Variants in DPF3 observed in about 807,000 individuals in gnomAD.
DPF3 encodes the protein double PHD fingers 3, also known as zinc finger protein DPF3.
Under a neutral mutation model 56.8 loss-of-function variants are expected in DPF3, and 18 were observed. The observed-to-expected ratio is 0.32, with a 90% CI of 0.22 to 0.47. The LOEUF (loss-of-function observed/expected upper bound fraction) is 0.47, where lower values mean the gene tolerates loss of function less well. Ranked by LOEUF, DPF3 falls within the 20% of genes least tolerant of loss-of-function variation. The pLI is 1.00. For missense variants in DPF3, 403 were observed against 488.8 expected (o/e 0.82, Z 1.65); for synonymous variants, 188 against 180.2 (o/e 1.04, Z -0.35).
chr14:72,880,266 C>T (rs1599521315), intron 1 of DPF3, among the ~76,000 whole-genome samples: 1 of 152,218 alleles, frequency 6.6e-6, no homozygotes, highest in African/African-American at 2.4e-5. Context: ...TCTCAGCCTC[C>T]TGTTCCTGGA....
rs1392327107 is a variant in DPF3, at chr14:72,614,408, A to G, written c.*4889T>C. 6.6e-6 allele frequency among the ~76,000 whole-genome samples: 1 copy of G among 152,212 alleles called. No homozygotes were observed. The highest frequency in any genetic ancestry group is 1.5e-5 in the Non-Finnish European group (1 of 68,024). On this transcript the variant is annotated 3_prime_UTR_variant, in exon 11 of 11. Transcript: ENST00000556509. ...TCAAAACGGGCAACACACAGCAGGAAGAGGAGGAGCTCTGTCCACTTTGCA... is the reference window on the plus strand; with the variant it reads ...TCAAAACGGGCAACACACAGCAGGAGGAGGAGGAGCTCTGTCCACTTTGCA...
In DPF3 at chr14:72,797,096, G is replaced by A. The variant is rs149522717; in HGVS notation, c.33-25203C>T. ...ATACAGTGGAAGTTAGATTACACCA[G>A]TTCCAAGCTCAGGCCTCAAGAGGCC... On this transcript the variant is annotated intron_variant, in intron 1 of 10. Transcript: ENST00000556509. Among the ~76,000 whole-genome samples the A allele has an allele frequency of 1.7e-4, 26 of 152,350 alleles. No individual in the cohort carries two copies. The East Asian group carries it at 5.0e-3, about 29-fold the overall frequency.
At chr14:72,729,485 T>G (rs961152879) in intron 4 of DPF3, among the ~76,000 whole-genome samples, 1 of 152,086 alleles carries the variant, frequency 6.6e-6, no homozygotes. Flanking sequence ...CACTCTCAGA[T>G]AGCAGGGGCG....
chr14:72,836,420 A>G (rs1884297291), intron 1 of DPF3: 2 of 985,536 alleles, frequency 2.0e-6, no homozygotes, highest in African/African-American at 3.5e-5. Flanking sequence ...GCCACTGGAT[A>G]AGCGCACCCT....
At chr14:72,856,645 C>G (rs1373119587) in intron 1 of DPF3, among the ~76,000 whole-genome samples, 1 of 152,238 alleles carries the variant, frequency 6.6e-6, no homozygotes, top group Non-Finnish European at 1.5e-5. Context: ...AGCCCATGCC[C>G]TGGCTTAAGA....
At chr14:72,733,623 C>T (rs188536468) in intron 3 of DPF3, among the ~76,000 whole-genome samples, 1 of 152,158 alleles carries the variant, frequency 6.6e-6, no homozygotes, top group Non-Finnish European at 1.5e-5. Flanking sequence ...CAAGGGCCAA[C>T]CTTAAACAGA....
intron 1 of DPF3, among the ~76,000 whole-genome samples, chr14:72,792,708 A>C (rs1892490840): frequency 6.6e-6 from 1 of 152,006 alleles, no homozygotes; most frequent in South Asian, 2.1e-4. Context: ...CTCCCAGCGA[A>C]GTCCCATCTG....
At chr14:72,661,539 T>G in intron 8 of DPF3, 1 of 985,498 alleles carries the variant, frequency 1.0e-6, no homozygotes, top group Middle Eastern at 5.2e-4. Context: ...TAGAACCCAG[T>G]GGCTCAGCCA....
At chr14:72,642,230 A>T (rs1269110995) in intron 8 of DPF3, among the ~76,000 whole-genome samples, 3 of 152,222 alleles carry the variant, frequency 2.0e-5, no homozygotes, top group African/African-American at 7.2e-5. Flanking sequence ...CTCAGAAGCT[A>T]TGAGATAATA....
chr14:72,799,173 T>C (rs551061997), intron 1 of DPF3, among the ~76,000 whole-genome samples: 46 of 152,282 alleles, frequency 3.0e-4, no homozygotes, highest in Non-Finnish European at 5.9e-4. Context: ...GCAATTGTAA[T>C]ACCTCCATCC....
rs375683255 is a variant in DPF3, at chr14:72,733,465, G to A, written c.302-1531C>T. On this transcript the variant is annotated intron_variant, in intron 3 of 10. Coordinates refer to ENST00000556509, the MANE Select transcript of DPF3 (RefSeq NM_001280542.3). ...CGCTGCTGCTATTTTTGGAGGGACAGAGGGAGAGTGCTTGCAAGAACCTGG... is the reference window on the plus strand; with the variant it reads ...CGCTGCTGCTATTTTTGGAGGGACAAAGGGAGAGTGCTTGCAAGAACCTGG... 5.9e-5 allele frequency among the ~76,000 whole-genome samples: 9 copies of A among 152,274 alleles called. No homozygotes were observed. In the South Asian group the frequency reaches 1.9e-3, roughly 32 times the overall value.
chr14:72,762,845 A>G (rs1015835092), intron 2 of DPF3, among the ~76,000 whole-genome samples: 2 of 151,974 alleles, frequency 1.3e-5, no homozygotes, highest in South Asian at 4.1e-4. Flanking sequence ...GCAAACTAAC[A>G]GATAATCAAC....
At position 72,740,547 on chromosome 14, in the gene DPF3, C is replaced by G. The variant is rs1430615376; in HGVS notation, c.302-8613G>C. On this transcript the variant is annotated intron_variant, in intron 3 of 10. Coordinates refer to ENST00000556509, the MANE Select transcript of DPF3 (RefSeq NM_001280542.3). ...GTGCCCTGAGCAGGGGGCTTCCCCACCAGTGAACCAGGATGGAGGCCAAGT... is the reference window on the plus strand; with the variant it reads ...GTGCCCTGAGCAGGGGGCTTCCCCAGCAGTGAACCAGGATGGAGGCCAAGT... 1.3e-5 allele frequency among the ~76,000 whole-genome samples: 2 copies of G among 152,144 alleles called. 1 individual carries two copies. Among genetic ancestry groups the G allele is most frequent in the South Asian group, 4.1e-4 (2 of 4,830 alleles).
chr14:72,842,773 C>A (rs1056861088), intron 1 of DPF3, among the ~76,000 whole-genome samples: 4 of 152,086 alleles, frequency 2.6e-5, no homozygotes, highest in African/African-American at 9.7e-5. Context: ...CTGGTAATCC[C>A]AGCACTTTGG....
intron 1 of DPF3, among the ~76,000 whole-genome samples, chr14:72,857,737 C>A (rs565715223): frequency 1.7e-4 from 26 of 152,084 alleles, no homozygotes; most frequent in Non-Finnish European, 1.3e-4. Flanking sequence ...CAGGCACACG[C>A]CACCATGCCC....
intron 3 of DPF3, among the ~76,000 whole-genome samples, chr14:72,739,562 G>T (rs770343568): frequency 1.3e-5 from 2 of 152,202 alleles, no homozygotes; most frequent in Non-Finnish European, 2.9e-5. Context: ...ACCAGATGTG[G>T]TGAGTGAGGC....
At chr14:72,747,222 A>T (rs1043549233) in intron 3 of DPF3, among the ~76,000 whole-genome samples, 1 of 152,122 alleles carries the variant, frequency 6.6e-6, no homozygotes, top group Admixed American at 6.5e-5. Flanking sequence ...GGGACCAAGG[A>T]GCTGACATGA....
chr14:72,749,365 C>A (rs1463675546), intron 3 of DPF3, among the ~76,000 whole-genome samples: 1 of 152,182 alleles, frequency 6.6e-6, no homozygotes, highest in Non-Finnish European at 1.5e-5. Context: ...GTGCCTGTAC[C>A]CCCATTGTAT....
rs569093630 is a variant in DPF3 at position 72,825,123 on chromosome 14, G to C, written c.33-53230C>G. Among the ~76,000 whole-genome samples the C allele has an allele frequency of 3.1e-3, 477 of 152,280 alleles. 1 individual carries two copies. The highest frequency in any genetic ancestry group is 0.011 in the African/African-American group (450 of 41,554). On this transcript the variant is annotated intron_variant, in intron 1 of 10. Transcript: ENST00000556509. ...GGCTGGTCTTGAAGTCCTGACCTTAGGTGATCCACCTGTCTCAGCCTCCCA... is the reference window on the plus strand; with the variant it reads ...GGCTGGTCTTGAAGTCCTGACCTTACGTGATCCACCTGTCTCAGCCTCCCA...
Sources: allele counts gnomAD v4.1 joint callset (sites outside exome capture counted in the v4.1 genomes callset), GRCh38; gene constraint gnomAD v4.1.1; transcripts MANE v1.5; gene names NCBI Gene and HGNC (gene_info 2026-07-23, HGNC 2026-07-21).